The following GREM2 variants were observed in gnomAD, a reference collection of about 807,000 sequenced individuals.
The protein encoded by GREM2 is gremlin 2, DAN family BMP antagonist.
A neutral mutation model predicts 14.2 loss-of-function variants in GREM2; 11 were observed. That is an observed-to-expected ratio of 0.78 (90% CI 0.49 to 1.28). GREM2 has a LOEUF of 1.28. Ranked by LOEUF, GREM2 falls within the 50% of genes most tolerant of loss-of-function variation. GREM2 has a pLI of 0.00. For missense variants in GREM2, 210 were observed against 218.5 expected (o/e 0.96, Z 0.24); for synonymous variants, 98 against 97.6 (o/e 1.00, Z -0.02).
At chr1:240,517,775 G>T (rs1023558931) in intron 1 of GREM2, among the ~76,000 whole-genome samples, 1 of 152,108 alleles carries the variant, frequency 6.6e-6, no homozygotes, top group African/African-American at 2.4e-5. Flanking sequence ...CTGATCACAC[G>T]TAGAGGCTTG....
chr1:240,581,654 G>T (rs1679487680), intron 1 of GREM2, among the ~76,000 whole-genome samples: 1 of 152,096 alleles, frequency 6.6e-6, no homozygotes, highest in Non-Finnish European at 1.5e-5. Flanking sequence ...TTCAGCAAAA[G>T]AATTTTAGTA....
intron 1 of GREM2, among the ~76,000 whole-genome samples, chr1:240,516,035 T>G (rs1677948057): frequency 1.3e-5 from 2 of 151,896 alleles, no homozygotes; most frequent in Non-Finnish European, 2.9e-5. Flanking sequence ...AGACCTCCCA[T>G]ACAGTCCCCC....
At chr1:240,514,760 C>T (rs1216073513) in intron 1 of GREM2, among the ~76,000 whole-genome samples, 3 of 152,096 alleles carry the variant, frequency 2.0e-5, no homozygotes, top group Admixed American at 6.5e-5. Flanking sequence ...ATTAGCTGGG[C>T]TTGGAGGTGC....
intron 1 of GREM2, among the ~76,000 whole-genome samples, chr1:240,522,097 A>G (rs1290667731): frequency 6.7e-6 from 1 of 149,148 alleles, no homozygotes; most frequent in Non-Finnish European, 1.5e-5. Flanking sequence ...CCCAGCCTGG[A>G]TGACAGAGCA....
chr1:240,516,451 TA>T (rs1677959552), intron 1 of GREM2, among the ~76,000 whole-genome samples: 1 of 152,216 alleles, frequency 6.6e-6, no homozygotes, highest in Non-Finnish European at 1.5e-5. Context: ...TATTGTTCCC[TA>T]AACTTATTTA....
chr1:240,562,216 C>T lies in GREM2; in HGVS notation c.-2+49668G>A, dbSNP rs570011580. On this transcript the variant is annotated intron_variant, in intron 1 of 1. Coordinates refer to ENST00000318160, the MANE Select transcript of GREM2 (RefSeq NM_022469.4). ...AGATGATGCAATTGCCTGCTTGTTGCTGACTCAGAAATGTAGAGAAATGGT... is the reference window on the plus strand; with the variant it reads ...AGATGATGCAATTGCCTGCTTGTTGTTGACTCAGAAATGTAGAGAAATGGT... Among the ~76,000 whole-genome samples the T allele has an allele frequency of 4.2e-4, 64 of 152,264 alleles. No individual in the cohort carries two copies. In the South Asian group the frequency reaches 8.9e-3, roughly 21 times the overall value.
rs199503338 is a variant in GREM2, at chr1:240,520,939, TTTTG to T, written c.-1-27467_-1-27464del. ...AAAAAAAAAAAAAAAGCATTTTAGT[TTTTG>T]TTTGTTTGTTTTTGCTAAATTTAGC... On this transcript the variant is annotated intron_variant, in intron 1 of 1. Coordinates refer to ENST00000318160, the MANE Select transcript of GREM2 (RefSeq NM_022469.4). Among the ~76,000 whole-genome samples, 1,192 of 152,088 alleles carry T rather than the reference TTTTG, an allele frequency of 7.8e-3. 10 individuals are homozygous for T. The highest frequency in any genetic ancestry group is 0.026 in the African/African-American group (1,094 of 41,414).
At chr1:240,525,365 AG>A (rs1316683087) in intron 1 of GREM2, among the ~76,000 whole-genome samples, 3 of 152,050 alleles carry the variant, frequency 2.0e-5, no homozygotes, top group Non-Finnish European at 4.4e-5. Context: ...TGGAGCCATG[AG>A]GGGCTTTTCT....
intron 1 of GREM2, among the ~76,000 whole-genome samples, chr1:240,590,394 A>G (rs1416818755): frequency 1.4e-5 from 2 of 146,848 alleles, no homozygotes; most frequent in Non-Finnish European, 3.0e-5. Flanking sequence ...CCTGCTCTTT[A>G]TGGGTTTGAG....
chr1:240,569,961 TG>T (rs1233539845), intron 1 of GREM2, among the ~76,000 whole-genome samples: 4 of 152,224 alleles, frequency 2.6e-5, no homozygotes, highest in Admixed American at 1.3e-4. Flanking sequence ...GATTCTGTAT[TG>T]GGCTGTTGTT....
At chr1:240,541,153 G>C (rs2103325735) in intron 1 of GREM2, among the ~76,000 whole-genome samples, 1 of 152,278 alleles carries the variant, frequency 6.6e-6, no homozygotes, top group African/African-American at 2.4e-5. Flanking sequence ...ATAACTGCAG[G>C]TTGCCTTTTC....
At chr1:240,548,205 G>C (rs917302330) in intron 1 of GREM2, among the ~76,000 whole-genome samples, 1 of 152,052 alleles carries the variant, frequency 6.6e-6, no homozygotes, top group African/African-American at 2.4e-5. Context: ...AACTCAGGAA[G>C]CGGAGATTGC....
chr1:240,591,043 G>A (rs1206918336), intron 1 of GREM2, among the ~76,000 whole-genome samples: 3 of 151,830 alleles, frequency 2.0e-5, no homozygotes, highest in Non-Finnish European at 4.4e-5. Context: ...GCCTCCCGAA[G>A]TGCTGGGATT....
chr1:240,555,620 C>T (rs10737846), intron 1 of GREM2, among the ~76,000 whole-genome samples: 80,807 of 152,098 alleles, frequency 0.53, 22,821 homozygotes, highest in African/African-American at 0.74. Flanking sequence ...TTAACTAGTA[C>T]TGAGTGTTCA....
intron 1 of GREM2, among the ~76,000 whole-genome samples, chr1:240,609,964 T>C (rs866720658): frequency 6.6e-6 from 1 of 152,176 alleles, no homozygotes; most frequent in Non-Finnish European, 1.5e-5. Context: ...ATTACCTCTC[T>C]CGGTGAAGAA....
chr1:240,512,076 T>G (rs2103291857), intron 1 of GREM2, among the ~76,000 whole-genome samples: 1 of 152,362 alleles, frequency 6.6e-6, no homozygotes, highest in South Asian at 2.1e-4. Context: ...TAATTTTTGT[T>G]TGCTTGGGCA....
intron 1 of GREM2, among the ~76,000 whole-genome samples, chr1:240,507,678 C>A (rs758290281): frequency 4.7e-5 from 7 of 149,646 alleles, no homozygotes; most frequent in Non-Finnish European, 1.0e-4. Flanking sequence ...CAAAGGAAGA[C>A]AAGGAAAAGC....
intron 1 of GREM2, among the ~76,000 whole-genome samples, chr1:240,563,082 AGT>A (rs1312925487): frequency 1.7e-3 from 176 of 104,688 alleles, no homozygotes; most frequent in Non-Finnish European, 2.3e-3. Flanking sequence ...TGTATATGTG[AGT>A]GTGTGTATGC....
chr1:240,501,745 C>T (rs1572366025), intron 1 of GREM2, among the ~76,000 whole-genome samples: 2 of 152,078 alleles, frequency 1.3e-5, no homozygotes, highest in African/African-American at 4.8e-5. Flanking sequence ...TGACTCACTC[C>T]CAGGCTTCTC....
Sources: allele counts gnomAD v4.1 joint callset (sites outside exome capture counted in the v4.1 genomes callset), GRCh38; gene constraint gnomAD v4.1.1; transcripts MANE v1.5; gene names NCBI Gene and HGNC (gene_info 2026-07-23, HGNC 2026-07-21).